UNC13C: variants seen among roughly 807,000 people sequenced by gnomAD.
UNC13C encodes protein unc-13 homolog C.
UNC13C carries 174 observed loss-of-function variants against 245.4 expected under a neutral mutation model. The ratio of observed to expected loss-of-function variants is 0.71; its 90% CI spans 0.63 to 0.80. UNC13C has a LOEUF of 0.80. Among genes scored for constraint, UNC13C ranks in the 30% least tolerant of loss-of-function variants. The pLI is 0.00. For synonymous variants in UNC13C, 992 were observed against 895.1 expected (o/e 1.11, Z -1.93); for missense variants, 2,829 against 2,602.9 (o/e 1.09, Z -1.89).
At chr15:54,579,654 G>T (rs1898115781) in intron 30 of UNC13C, among the ~76,000 whole-genome samples, 1 of 152,144 alleles carries the variant, frequency 6.6e-6, no homozygotes, top group South Asian at 2.1e-4. Flanking sequence ...AGCTACTTGG[G>T]ATGCTAAGGC....
the UNC13C span, among the ~76,000 whole-genome samples, chr15:53,956,276 C>G: frequency 7.9e-5 from 12 of 152,192 alleles, no homozygotes; most frequent in Admixed American, 2.0e-4. Flanking sequence ...CTCAGCATCA[C>G]GCAATGTACT....
At chr15:54,138,334 G>A (rs1366351714) in intron 2 of UNC13C, among the ~76,000 whole-genome samples, 1 of 152,012 alleles carries the variant, frequency 6.6e-6, no homozygotes, top group Admixed American at 6.6e-5. Flanking sequence ...CAGAATCTTG[G>A]AAAATATAAG....
the UNC13C span, among the ~76,000 whole-genome samples, chr15:53,964,973 C>A: frequency 6.6e-6 from 1 of 152,250 alleles, no homozygotes; most frequent in African/African-American, 2.4e-5. Context: ...TAAGAAAATA[C>A]AATTGTTCAG....
At chr15:53,985,434 T>C (rs1894097287) in intron 1 of UNC13C, among the ~76,000 whole-genome samples, 1 of 151,952 alleles carries the variant, frequency 6.6e-6, no homozygotes, top group African/African-American at 2.4e-5. Flanking sequence ...TGTATACATG[T>C]GCTACTATGT....
chr15:53,979,862 C>T (rs1417991307), intron 1 of UNC13C, among the ~76,000 whole-genome samples: 1 of 152,060 alleles, frequency 6.6e-6, no homozygotes, highest in Non-Finnish European at 1.5e-5. Context: ...AATCATCTTA[C>T]CACCTTTTGC....
At chr15:53,853,945 G>T in the UNC13C span, among the ~76,000 whole-genome samples, 8 of 151,930 alleles carry the variant, frequency 5.3e-5, no homozygotes, top group African/African-American at 1.7e-4. Flanking sequence ...TCTGTAAATT[G>T]TCTGTTCACT....
intron 18 of UNC13C, among the ~76,000 whole-genome samples, chr15:54,404,077 C>T (rs768754717): frequency 6.6e-6 from 1 of 152,120 alleles, no homozygotes; most frequent in East Asian, 1.9e-4. Flanking sequence ...GCAGAGCATA[C>T]TAACAAAGGC....
intron 4 of UNC13C, among the ~76,000 whole-genome samples, chr15:54,210,151 G>T (rs768772308): frequency 3.7e-4 from 56 of 149,766 alleles, no homozygotes; most frequent in Non-Finnish European, 6.8e-4. Flanking sequence ...TATAGTTGTT[G>T]TTCCAGAAAT....
intron 13 of UNC13C, among the ~76,000 whole-genome samples, chr15:54,308,067 A>G (rs1381212709): frequency 6.6e-6 from 1 of 151,894 alleles, no homozygotes; most frequent in Non-Finnish European, 1.5e-5. Context: ...TCCTTTTGGT[A>G]CTTCTTTCCA....
the UNC13C span, among the ~76,000 whole-genome samples, chr15:53,924,286 T>C: frequency 1.3e-5 from 2 of 152,188 alleles, no homozygotes; most frequent in Admixed American, 6.5e-5. Context: ...TAGACTAGAT[T>C]TGTTTCCGGT....
chr15:54,344,363 G>A (rs968965719), intron 17 of UNC13C, among the ~76,000 whole-genome samples: 1 of 152,088 alleles, frequency 6.6e-6, no homozygotes, highest in East Asian at 1.9e-4. Context: ...AATGAATTAT[G>A]TCACATCAAA....
chr15:54,251,280 A>G (rs983582231), intron 8 of UNC13C, among the ~76,000 whole-genome samples: 7 of 152,286 alleles, frequency 4.6e-5, no homozygotes, highest in African/African-American at 1.7e-4. Flanking sequence ...TGTCAACAAC[A>G]TATGTAACTT....
At chr15:54,133,817 CAT>C (rs2031573112) in intron 2 of UNC13C, among the ~76,000 whole-genome samples, 1 of 152,052 alleles carries the variant, frequency 6.6e-6, no homozygotes, top group African/African-American at 2.4e-5. Flanking sequence ...TGATTATCTG[CAT>C]ATCTGTACAT....
At chr15:54,179,572 C>T (rs763546091) in intron 4 of UNC13C, among the ~76,000 whole-genome samples, 42 of 151,958 alleles carry the variant, frequency 2.8e-4, no homozygotes, top group African/African-American at 1.0e-3. Context: ...TTCAATACAT[C>T]TAAAGGAAGC....
At chr15:53,917,963 C>T in the UNC13C span, among the ~76,000 whole-genome samples, 5 of 152,214 alleles carry the variant, frequency 3.3e-5, no homozygotes, top group Middle Eastern at 3.4e-3. Context: ...TTGAGTTTAG[C>T]ATGTTTTAAG....
chr15:54,079,324 CA>C (rs971471795), intron 2 of UNC13C, among the ~76,000 whole-genome samples: 1 of 151,898 alleles, frequency 6.6e-6, no homozygotes, highest in African/African-American at 2.4e-5. Flanking sequence ...TAATTTTAAT[CA>C]TTTTTTTCTA....
chr15:54,113,967 A>G (rs1408965874), intron 2 of UNC13C, among the ~76,000 whole-genome samples: 1 of 152,212 alleles, frequency 6.6e-6, no homozygotes, highest in East Asian at 1.9e-4. Flanking sequence ...ACAACAGTCT[A>G]GTAGATTCCT....
chr15:54,466,342 C>A (rs1340143083), intron 19 of UNC13C, among the ~76,000 whole-genome samples: 1 of 151,816 alleles, frequency 6.6e-6, no homozygotes, highest in Non-Finnish European at 1.5e-5. Flanking sequence ...TTTCAGAACA[C>A]AAAAGAACAG....
intron 2 of UNC13C, among the ~76,000 whole-genome samples, chr15:54,119,686 G>T (rs1350144322): frequency 6.6e-6 from 1 of 152,160 alleles, no homozygotes; most frequent in Admixed American, 6.5e-5. Flanking sequence ...TAGGCTGAAA[G>T]GTAGGCCTGT....
Sources: gnomAD v4.1 joint callset for allele counts (sites outside exome capture counted in the v4.1 genomes callset) on GRCh38, gnomAD v4.1.1 for gene constraint, MANE v1.5 for transcripts, NCBI Gene and HGNC (gene_info 2026-07-23, HGNC 2026-07-21) for gene names.